Variants in SNTG1 observed in about 807,000 individuals in gnomAD.
The protein encoded by SNTG1 is syntrophin gamma 1.
In SNTG1, 39 loss-of-function variants were observed where a neutral mutation model predicts 74.7. The ratio of observed to expected loss-of-function variants is 0.52; its 90% CI spans 0.40 to 0.68. The LOEUF (loss-of-function observed/expected upper bound fraction) is 0.68. Ranked by LOEUF, SNTG1 falls within the 30% of genes least tolerant of loss-of-function variation. The probability of loss-of-function intolerance (pLI) is 0.00; values close to 1 mark genes in which losing one functional copy is unlikely to be tolerated. For missense variants in SNTG1, 685 were observed against 609.5 expected (o/e 1.12, Z -1.30); for synonymous variants, 254 against 217.1 (o/e 1.17, Z -1.49).
chr8:50,660,267 AG>A, intron 15 of SNTG1, among the ~76,000 whole-genome samples: 1 of 150,296 alleles, frequency 6.7e-6, no homozygotes, highest in African/African-American at 2.5e-5. Flanking sequence ...GGAAGGAGAG[AG>A]AGAGAGAAAG....
intron 2 of SNTG1, among the ~76,000 whole-genome samples, chr8:50,379,747 C>G (rs1030947059): frequency 3.3e-5 from 5 of 152,258 alleles, no homozygotes; most frequent in African/African-American, 1.2e-4. Flanking sequence ...CTCTTTCACA[C>G]AGGTGAAAGT....
Position 50,742,751 on chromosome 8 carries a change from T to A in SNTG1, c.1285-9250T>A, listed in dbSNP as rs574005745. Among the ~76,000 whole-genome samples, 3 of 151,678 alleles carry A rather than the reference T, an allele frequency of 2.0e-5. No individual in the cohort carries two copies. The South Asian group carries it at 6.2e-4, about 32-fold the overall frequency. On this transcript the variant is annotated intron_variant, in intron 17 of 18. Transcript: ENST00000642720. Reference sequence around the variant, plus strand: ...AAAAATCAACAAAATTAAAGGTTGGTTCCTTGAAAAAATAACAAAATTTAT... The same window carrying A: ...AAAAATCAACAAAATTAAAGGTTGGATCCTTGAAAAAATAACAAAATTTAT...
intron 2 of SNTG1, among the ~76,000 whole-genome samples, chr8:50,274,189 C>A (rs964560894): frequency 3.3e-5 from 5 of 151,874 alleles, no homozygotes; most frequent in South Asian, 2.1e-4. Context: ...CAGGTTCAAG[C>A]GATTCTCCCA....
intron 12 of SNTG1, among the ~76,000 whole-genome samples, chr8:50,568,148 C>G (rs2094526329): frequency 6.6e-6 from 1 of 151,718 alleles, no homozygotes; most frequent in African/African-American, 2.4e-5. Flanking sequence ...AATACATTGT[C>G]CTTCAGGTTC....
chr8:50,779,063 T>A (rs1209146102), intron 18 of SNTG1, among the ~76,000 whole-genome samples: 3 of 152,156 alleles, frequency 2.0e-5, no homozygotes, highest in African/African-American at 4.8e-5. Context: ...TTGATCTGTA[T>A]CTCTGTTTTG....
intron 15 of SNTG1, among the ~76,000 whole-genome samples, chr8:50,691,633 G>C (rs1296167431): frequency 1.3e-5 from 2 of 152,130 alleles, no homozygotes; most frequent in African/African-American, 4.8e-5. Flanking sequence ...TAGTCTGATG[G>C]GCTTCCCTTT....
chr8:50,532,565 C>T (rs1456289108), intron 10 of SNTG1, among the ~76,000 whole-genome samples: 1 of 152,194 alleles, frequency 6.6e-6, no homozygotes, highest in African/African-American at 2.4e-5. Flanking sequence ...CTTTGTTGCT[C>T]GCACGGGAGC....
chr8:50,246,481 A>C (rs1358696840), intron 2 of SNTG1, among the ~76,000 whole-genome samples: 2 of 145,806 alleles, frequency 1.4e-5, no homozygotes, highest in Non-Finnish European at 3.0e-5. Context: ...AACATTACTA[A>C]GTGAAGAAAC....
At chr8:50,749,146 CATG>C (rs1248941078) in intron 17 of SNTG1, among the ~76,000 whole-genome samples, 1 of 152,002 alleles carries the variant, frequency 6.6e-6, no homozygotes, top group Non-Finnish European at 1.5e-5. Flanking sequence ...GGAACACATA[CATG>C]ATAAGAAAGT....
chr8:50,665,910 A>G (rs1428289754), intron 15 of SNTG1, among the ~76,000 whole-genome samples: 4 of 152,200 alleles, frequency 2.6e-5, no homozygotes, highest in Non-Finnish European at 5.9e-5. Context: ...TTATAAAAGA[A>G]TAAAGGAGAA....
chr8:50,734,345 C>T lies in SNTG1; in HGVS notation c.1285-17656C>T, dbSNP rs1305036244. 9.9e-5 allele frequency among the ~76,000 whole-genome samples: 15 copies of T among 151,422 alleles called. No homozygotes were observed. The Admixed American group carries it at 9.9e-4, about 10-fold the overall frequency. ...GGATAGTGACAGTATCTTTTTCATT[C>T]TAATTATCTAGCAAAATACTCAGTA... On this transcript the variant is annotated intron_variant, in intron 17 of 18. Transcript: ENST00000642720.
chr8:50,419,012 T>A (rs2093048517), intron 4 of SNTG1, among the ~76,000 whole-genome samples: 1 of 151,954 alleles, frequency 6.6e-6, no homozygotes, highest in Non-Finnish European at 1.5e-5. Context: ...TATTATCTTT[T>A]AAAAAAAATA....
chr8:50,693,117 G>A (rs112413758), intron 15 of SNTG1, among the ~76,000 whole-genome samples: 2 of 152,130 alleles, frequency 1.3e-5, no homozygotes, highest in South Asian at 2.1e-4. Flanking sequence ...GCAGTATTAG[G>A]GTGGGAGTGA....
chr8:50,126,880 T>C (rs1001698925), intron 1 of SNTG1, among the ~76,000 whole-genome samples: 1 of 152,064 alleles, frequency 6.6e-6, no homozygotes, highest in Non-Finnish European at 1.5e-5. Flanking sequence ...GTAGTGAAGG[T>C]GAGTACCAGG....
intron 2 of SNTG1, among the ~76,000 whole-genome samples, chr8:50,353,604 C>G (rs2091733740): frequency 2.6e-5 from 4 of 152,114 alleles, no homozygotes. Context: ...GGGCTTTGCT[C>G]CATACAATTC....
chr8:50,028,552 T>C (rs1034092766), intron 1 of SNTG1, among the ~76,000 whole-genome samples: 3 of 150,928 alleles, frequency 2.0e-5, no homozygotes, highest in Non-Finnish European at 2.9e-5. Flanking sequence ...TCAGACTGAA[T>C]GCACCGTTTT....
chr8:50,718,748 A>G (rs1339263366), intron 17 of SNTG1, among the ~76,000 whole-genome samples: 2 of 152,242 alleles, frequency 1.3e-5, no homozygotes, highest in Non-Finnish European at 2.9e-5. Context: ...TTGCATCAAT[A>G]AAGTTCATAA....
intron 18 of SNTG1, among the ~76,000 whole-genome samples, chr8:50,787,603 A>G (rs2095679300): frequency 6.6e-6 from 1 of 152,014 alleles, no homozygotes; most frequent in Non-Finnish European, 1.5e-5. Flanking sequence ...GAACAACCCA[A>G]ATGTTCAACA....
At chr8:50,494,700 C>T (rs1032497960) in intron 8 of SNTG1, among the ~76,000 whole-genome samples, 2 of 151,976 alleles carry the variant, frequency 1.3e-5, no homozygotes, top group South Asian at 4.1e-4. Flanking sequence ...CGTGAACTAC[C>T]TAATAATGTA....
Sources: gnomAD v4.1 joint callset for allele counts (sites outside exome capture counted in the v4.1 genomes callset) on GRCh38, gnomAD v4.1.1 for gene constraint, MANE v1.5 for transcripts, NCBI Gene and HGNC (gene_info 2026-07-23, HGNC 2026-07-21) for gene names.